Variants in ABR observed in about 807,000 individuals in gnomAD.
The protein encoded by ABR is ABR activator of RhoGEF and GTPase.
A neutral mutation model predicts 107.2 loss-of-function variants in ABR; 35 were observed. That is an observed-to-expected ratio of 0.33 (90% CI 0.25 to 0.43). ABR has a LOEUF of 0.43. Ranked by LOEUF, ABR falls within the 20% of genes least tolerant of loss-of-function variation. The probability of loss-of-function intolerance (pLI) is 1.00; values close to 1 mark genes in which losing one functional copy is unlikely to be tolerated. For synonymous variants in ABR, 498 were observed against 462.0 expected, an observed-to-expected ratio of 1.08 and a Z score of -1.00; for missense variants, 815 against 1,115.2, an observed-to-expected ratio of 0.73 and a Z score of 3.83.
Position 1,051,327 on chromosome 17 carries a change from C to T in ABR, c.1562-693G>A, listed in dbSNP as rs1224156399. 1.3e-5 allele frequency among the ~76,000 whole-genome samples: 2 copies of T among 152,148 alleles called. No individual in the cohort carries two copies. Among genetic ancestry groups the T allele is most frequent in the South Asian group, 2.1e-4 (1 of 4,830 alleles). On this transcript the variant is annotated intron_variant, in intron 14 of 22. Coordinates refer to ENST00000302538, the MANE Select transcript of ABR (RefSeq NM_021962.5). The surrounding 1 kb of genome is among the most constrained non-coding windows in gnomAD (Gnocchi z 4.3). Reference sequence around the variant, plus strand: ...GGGTTTTCCTGCCTGCCGGTGTACCCGCAGTACCAAGAACAGGGCTGGGAA... The same window carrying T: ...GGGTTTTCCTGCCTGCCGGTGTACCTGCAGTACCAAGAACAGGGCTGGGAA...
At chr17:1,104,057 ACG>A (rs71897683) in intron 2 of ABR, among the ~76,000 whole-genome samples, 20,312 of 152,070 alleles carry the variant, frequency 0.13, 1,434 homozygotes, top group Middle Eastern at 0.17. Context: ...AGAGGTGCCC[ACG>A]TGCCTAGAAT....
chr17:1,069,676 G>GA (rs1310118527), intron 9 of ABR, among the ~76,000 whole-genome samples: 2 of 151,624 alleles, frequency 1.3e-5, no homozygotes, highest in Non-Finnish European at 2.9e-5. Flanking sequence ...TGTCTCAAAA[G>GA]AAAAAAAACC....
At chr17:1,223,261 C>T (rs181258652) in intron 1 of ABR, among the ~76,000 whole-genome samples, 117 of 151,532 alleles carry the variant, frequency 7.7e-4, no homozygotes, top group Non-Finnish European at 1.2e-3. Flanking sequence ...GTAATCTCAG[C>T]TACTCAGAAG....
Position 1,050,054 on chromosome 17 carries a change from A to C in ABR, c.1787T>G (p.Ile596Ser). Residue 596 changes from isoleucine (I) to serine (S), a missense_variant, in exon 16 of 23, where the codon ATC (isoleucine) becomes AGC (serine). This residue lies in a region of ABR where 92 missense variants were observed against 82.3 expected (regional missense o/e 1.12). Coordinates refer to ENST00000302538, the MANE Select transcript of ABR (RefSeq NM_021962.5). The surrounding 1 kb of genome is among the most constrained non-coding windows in gnomAD (Gnocchi z 4.6). ...GCCCCGGCGCCCTGGCCTCACCTGG[A>C]TCTGTCCTTTGCCCATGATCTTGTC... ...IVDKIMGKGQIQLDPQTVETK... is the reference protein window; with the variant it reads ...IVDKIMGKGQSQLDPQTVETK... The C allele has an allele frequency of 1.2e-6, 2 of 1,613,804 alleles. No homozygotes were observed. The highest frequency in any genetic ancestry group is 1.7e-6 in the Non-Finnish European group (2 of 1,179,870).
At chr17:1,033,365 C>T (rs1034272268) in intron 16 of ABR, among the ~76,000 whole-genome samples, 1 of 152,226 alleles carries the variant, frequency 6.6e-6, no homozygotes, top group Admixed American at 6.5e-5. Context: ...CCCCTCCCAA[C>T]TGTATGAAGT....
intron 2 of ABR, among the ~76,000 whole-genome samples, chr17:1,116,235 A>G (rs1271156813): frequency 1.3e-5 from 2 of 152,200 alleles, no homozygotes; most frequent in East Asian, 1.9e-4. Flanking sequence ...AATAAATTAC[A>G]TAAAATAAAA....
chr17:1,032,307 C>A (rs907612844), intron 16 of ABR, among the ~76,000 whole-genome samples: 4 of 152,294 alleles, frequency 2.6e-5, no homozygotes, highest in Admixed American at 6.5e-5. Flanking sequence ...GGTGACCCGG[C>A]CAGACCCTTG....
intron 1 of ABR, among the ~76,000 whole-genome samples, chr17:1,193,439 C>T (rs117055950): frequency 0.02 from 2,975 of 152,310 alleles, 43 homozygotes; most frequent in Non-Finnish European, 0.033. Context: ...GTGGAAGCCA[C>T]AGTCACCACG....
In ABR at chr17:1,143,996, G is replaced by GC. The variant is rs1400870776; in HGVS notation, c.62-18630dup. Among the ~76,000 whole-genome samples, 7 of 152,192 alleles carry GC rather than the reference G, an allele frequency of 4.6e-5. No homozygotes were observed. The East Asian group carries it at 1.4e-3, about 29-fold the overall frequency. ...GAGGTTGTCAAAGTAGCTATGAATG[G>GC]CCCCCTTTGACACGGGGGAAAACTG... On this transcript the variant is annotated intron_variant, in intron 1 of 22. Coordinates refer to ENST00000302538, the MANE Select transcript of ABR (RefSeq NM_021962.5).
At chr17:1,067,431 G>A (rs1003068259) in intron 9 of ABR, among the ~76,000 whole-genome samples, 189 bp from the exon 10 acceptor site, 8 of 152,214 alleles carry the variant, frequency 5.3e-5, no homozygotes, top group African/African-American at 1.9e-4. Flanking sequence ...GGGTTCTGGG[G>A]TCCGCCCCGC....
intron 16 of ABR, among the ~76,000 whole-genome samples, chr17:1,020,995 C>T (rs1381043358): frequency 6.6e-6 from 1 of 152,166 alleles, no homozygotes; most frequent in Non-Finnish European, 1.5e-5. Flanking sequence ...TGCTGGGCCA[C>T]ACTCTCCACT....
At chr17:1,091,587 T>G (rs1395541422) in intron 4 of ABR, 78 bp downstream of exon 4, 5 of 1,503,252 alleles carry the variant, frequency 3.3e-6, no homozygotes, top group Non-Finnish European at 3.6e-6. Context: ...GGCTGCCCGG[T>G]CCTCTCCTGA....
intron 1 of ABR, among the ~76,000 whole-genome samples, chr17:1,166,280 T>C (rs1046415681): frequency 6.6e-6 from 1 of 151,732 alleles, no homozygotes; most frequent in African/African-American, 2.4e-5. Context: ...TGCGGCCCCA[T>C]GCAGGGCTTC....
At position 1,154,744 on chromosome 17, in the gene ABR, C is replaced by G. The variant is rs1424203996; in HGVS notation, c.61+24923G>C. 6.6e-6 allele frequency: 1 copy of G among 152,188 alleles called. No individual in the cohort carries two copies. The highest frequency in any genetic ancestry group is 1.9e-4 in the East Asian group (1 of 5,166). 9.4% of individuals were successfully genotyped at this position (152,188 alleles called of 1,614,324 possible). On this transcript the variant is annotated intron_variant, in intron 1 of 22. Transcript: ENST00000302538. The surrounding 1 kb of genome is among the most constrained non-coding windows in gnomAD (Gnocchi z 4.0). ...GTGTCCTCAGGGCTCCGGCGCCTAC[C>G]CATGGATGTAGTGCTCGCCCTCCCA...
At chr17:1,031,848 G>GCGCTCC (rs2072809428) in intron 16 of ABR, 8 of 928,480 alleles carry the variant, frequency 8.6e-6, no homozygotes, top group South Asian at 1.1e-4. Context: ...CCCCGCGCTC[G>GCGCTCC]CCTCCCTCCC....
At chr17:1,048,746 G>A (rs527544256) in intron 16 of ABR, among the ~76,000 whole-genome samples, 92 of 149,902 alleles carry the variant, frequency 6.1e-4, no homozygotes, top group African/African-American at 2.1e-3. Context: ...CCGGGGCCAC[G>A]GTCAAGAAGC....
chr17:1,054,555 G>A (rs2033010540), intron 14 of ABR, among the ~76,000 whole-genome samples: 1 of 130,872 alleles, frequency 7.6e-6, no homozygotes, highest in African/African-American at 3.2e-5. Context: ...GAGGGGACGG[G>A]GGCACAAAGA....
At chr17:1,185,121 G>C (rs556554322) in intron 1 of ABR, 1 of 152,216 alleles carries the variant, frequency 6.6e-6, no homozygotes, top group Non-Finnish European at 1.5e-5. Context: ...ACACGAGGGA[G>C]GCAGGCAGCG....
intron 1 of ABR, among the ~76,000 whole-genome samples, chr17:1,209,577 C>G (rs1020258477): frequency 6.6e-6 from 1 of 152,092 alleles, no homozygotes; most frequent in African/African-American, 2.4e-5. Flanking sequence ...TTGAATGGTG[C>G]CTGAATCCCT....
Sources: allele counts gnomAD v4.1 joint callset (sites outside exome capture counted in the v4.1 genomes callset), GRCh38; gene constraint gnomAD v4.1.1; regional missense constraint gnomAD v4.1.1; non-coding constraint Gnocchi (gnomAD v3.1); transcripts MANE v1.5; gene names NCBI Gene and HGNC (gene_info 2026-07-23, HGNC 2026-07-21).